Variants in CSMD2 observed in about 807,000 individuals in gnomAD.
CSMD2 encodes the protein CUB and sushi domain-containing protein 2.
A neutral mutation model predicts 398.5 loss-of-function variants in CSMD2; 130 were observed. The observed-to-expected ratio is 0.33, with a 90% CI of 0.28 to 0.38. CSMD2 has a LOEUF of 0.38. CSMD2 is among the 10% of genes least tolerant of loss of function. CSMD2 has a pLI of 1.00. For missense variants in CSMD2, 3,829 were observed against 4,764.9 expected, an observed-to-expected ratio of 0.80 and a Z score of 5.78; for synonymous variants, 1,828 against 1,908.5, an observed-to-expected ratio of 0.96 and a Z score of 1.10.
chr1:34,042,407 A>G (rs1205615335), intron 2 of CSMD2, among the ~76,000 whole-genome samples: 1 of 152,224 alleles, frequency 6.6e-6, no homozygotes, highest in African/African-American at 2.4e-5. Flanking sequence ...GCCTTAAATG[A>G]GAACCATTCA....
intron 6 of CSMD2, among the ~76,000 whole-genome samples, chr1:33,829,449 G>A (rs534357489): frequency 1.3e-5 from 2 of 152,130 alleles, no homozygotes; most frequent in African/African-American, 2.4e-5. Flanking sequence ...GTGCAGTTTT[G>A]TTACATATAT....
chr1:33,944,462 G>C (rs1570586328), intron 3 of CSMD2, among the ~76,000 whole-genome samples: 1 of 152,120 alleles, frequency 6.6e-6, no homozygotes, highest in African/African-American at 2.4e-5. Context: ...TGTGCTGACT[G>C]CAGGGAAGGG....
At chr1:33,586,159 T>C (rs903334252) in intron 46 of CSMD2, among the ~76,000 whole-genome samples, 6 of 152,212 alleles carry the variant, frequency 3.9e-5, no homozygotes, top group Admixed American at 3.9e-4. Flanking sequence ...GCAGGGATGG[T>C]GTGTGAGCCC....
chr1:33,614,765 A>G (rs1641277298), intron 39 of CSMD2, 145 bp from the exon 40 acceptor site: 1 of 599,830 alleles, frequency 1.7e-6, no homozygotes, highest in Admixed American at 3.1e-5. Context: ...GAATCTTCTT[A>G]AAAGACTAAG....
At chr1:33,526,095 C>T (rs10753287) in intron 65 of CSMD2, among the ~76,000 whole-genome samples, 56,931 of 152,072 alleles carry the variant, frequency 0.37, 10,764 homozygotes, top group Middle Eastern at 0.46. Flanking sequence ...TATAGAATAA[C>T]ATCACATTGT....
intron 25 of CSMD2, among the ~76,000 whole-genome samples, chr1:33,685,788 G>C (rs1313243819): frequency 6.6e-6 from 1 of 152,172 alleles, no homozygotes; most frequent in Non-Finnish European, 1.5e-5. Context: ...TGCACTTATA[G>C]CATCTATTTT....
chr1:33,618,336 T>C (rs898522530), intron 37 of CSMD2, among the ~76,000 whole-genome samples: 3 of 152,076 alleles, frequency 2.0e-5, no homozygotes, highest in African/African-American at 7.2e-5. Flanking sequence ...CAGTCCACCC[T>C]GCACTCACAG....
chr1:33,831,997 C>A (rs1194624901), intron 6 of CSMD2, among the ~76,000 whole-genome samples: 2 of 152,058 alleles, frequency 1.3e-5, no homozygotes, highest in Admixed American at 6.5e-5. Context: ...TACAGGAGCA[C>A]CCGGGTTCAT....
chr1:33,735,102 G>T (rs918765892), intron 15 of CSMD2, among the ~76,000 whole-genome samples: 2 of 152,214 alleles, frequency 1.3e-5, no homozygotes, highest in African/African-American at 4.8e-5. Context: ...TCTATTTGGA[G>T]ATGCTTTTAA....
At chr1:33,952,245 T>C (rs1400413458) in intron 3 of CSMD2, among the ~76,000 whole-genome samples, 1 of 151,916 alleles carries the variant, frequency 6.6e-6, no homozygotes, top group Non-Finnish European at 1.5e-5. Context: ...AACAGAGCTG[T>C]TGAATTTGAT....
Position 34,163,195 on chromosome 1 carries a change from A to G in CSMD2, c.187+1716T>C, listed in dbSNP as rs2148590758. 6.6e-6 allele frequency among the ~76,000 whole-genome samples: 1 copy of G among 152,346 alleles called. No homozygotes were observed. Among genetic ancestry groups the G allele is most frequent in the Non-Finnish European group, 1.5e-5 (1 of 68,018 alleles). ...CTAAGCCAGAGACCGGCCTCGCCTC[A>G]ACGTACGTCCGGGAGGCCTGGCGGG... On this transcript the variant is annotated intron_variant, in intron 1 of 70. Coordinates refer to ENST00000373381, the MANE Select transcript of CSMD2 (RefSeq NM_001281956.2). This position sits in a 1 kb window ranked among gnomAD's most constrained non-coding sequence, Gnocchi z 5.4.
intron 44 of CSMD2, among the ~76,000 whole-genome samples, chr1:33,589,259 G>A (rs1197638589): frequency 6.6e-6 from 1 of 152,152 alleles, no homozygotes; most frequent in African/African-American, 2.4e-5. Context: ...ACTGTCAACA[G>A]AGTGACTGTT....
At chr1:33,961,805 A>T (rs1645371654) in intron 3 of CSMD2, among the ~76,000 whole-genome samples, 1 of 151,934 alleles carries the variant, frequency 6.6e-6, no homozygotes, top group Non-Finnish European at 1.5e-5. Context: ...TTCCCCCATG[A>T]CTGTAAGCTT....
At chr1:33,744,907 T>G (rs1410474213) in intron 13 of CSMD2, among the ~76,000 whole-genome samples, 3 of 152,306 alleles carry the variant, frequency 2.0e-5, no homozygotes, top group African/African-American at 7.2e-5. Context: ...GAAGGGAGTA[T>G]GTAAGTTCGC....
At chr1:34,158,141 G>A (rs1400746884) in intron 1 of CSMD2, among the ~76,000 whole-genome samples, 3 of 152,142 alleles carry the variant, frequency 2.0e-5, no homozygotes, top group African/African-American at 2.4e-5. Context: ...ACTTACAAGA[G>A]TAAGAAAAGA....
chr1:34,110,040 C>CAAA (rs57314887), intron 1 of CSMD2, among the ~76,000 whole-genome samples: 1,082 of 62,318 alleles, frequency 0.017, 64 homozygotes, highest in African/African-American at 0.028. Flanking sequence ...GACTCTGTCT[C>CAAA]AAAAAAAAAA....
chr1:34,118,320 G>A (rs891702196), intron 1 of CSMD2, among the ~76,000 whole-genome samples: 3 of 152,158 alleles, frequency 2.0e-5, no homozygotes, highest in African/African-American at 7.2e-5. Flanking sequence ...TATGCTGAAT[G>A]GTGAAAAACT....
At chr1:33,614,869 T>C (rs1641284670) in intron 39 of CSMD2, among the ~76,000 whole-genome samples, 1 of 152,218 alleles carries the variant, frequency 6.6e-6, no homozygotes, top group Admixed American at 6.5e-5. Context: ...ACTCTTGACC[T>C]TGAACATGCC....
chr1:33,823,939 C>T (rs1658486358), intron 7 of CSMD2, among the ~76,000 whole-genome samples: 1 of 152,120 alleles, frequency 6.6e-6, no homozygotes, highest in Non-Finnish European at 1.5e-5. Flanking sequence ...CAGAAAAATG[C>T]ACCCAGAGCA....
Sources: gnomAD v4.1 joint callset for allele counts (sites outside exome capture counted in the v4.1 genomes callset) on GRCh38, gnomAD v4.1.1 for gene constraint, Gnocchi (gnomAD v3.1) non-coding constraint, MANE v1.5 for transcripts, NCBI Gene and HGNC (gene_info 2026-07-23, HGNC 2026-07-21) for gene names.